The following ZNF670 variants were observed in gnomAD, a reference collection of about 807,000 sequenced individuals.
The protein encoded by ZNF670 is zinc finger protein 670.
Under a neutral mutation model 10.9 loss-of-function variants are expected in ZNF670, and 7 were observed. The ratio of observed to expected loss-of-function variants is 0.64; its 90% CI spans 0.36 to 1.20. The LOEUF (loss-of-function observed/expected upper bound fraction) is 1.20, where lower values mean the gene tolerates loss of function less well. Ranked by LOEUF, ZNF670 falls within the 50% of genes most tolerant of loss-of-function variation. ZNF670 has a pLI of 0.02. For missense variants in ZNF670, 446 were observed against 458.6 expected (o/e 0.97, Z 0.25); for synonymous variants, 136 against 152.7 (o/e 0.89, Z 0.81).
chr1:247,072,369 G>A (rs891567643), intron 1 of ZNF670, among the ~76,000 whole-genome samples: 1 of 138,612 alleles, frequency 7.2e-6, no homozygotes, highest in Non-Finnish European at 1.6e-5. Context: ...TGCCCAGGCT[G>A]GTCTCAAACT....
At chr1:247,076,350 A>C (rs1671252873) in intron 1 of ZNF670, among the ~76,000 whole-genome samples, 1 of 148,600 alleles carries the variant, frequency 6.7e-6, no homozygotes, top group South Asian at 2.1e-4. Context: ...TCTGCCTCCT[A>C]GGTTCACGCC....
rs1405164808 is a variant in ZNF670, at chr1:247,034,844, T to C, written c.*2605A>G. On this transcript the variant is annotated 3_prime_UTR_variant, in exon 4 of 4. Coordinates refer to ENST00000366503, the MANE Select transcript of ZNF670 (RefSeq NM_033213.5). ...TTACCACAGAGCAGTAGTCTGACTT[T>C]TGATAATCAGGAATAAAGAACCCAG... Among the ~76,000 whole-genome samples, 1 of 152,178 alleles carries C rather than the reference T, an allele frequency of 6.6e-6. No individual in the cohort carries two copies. The highest frequency in any genetic ancestry group is 1.5e-5 in the Non-Finnish European group (1 of 68,044).
chr1:247,076,785 T>C (rs1018623163), intron 1 of ZNF670, among the ~76,000 whole-genome samples: 21 of 152,232 alleles, frequency 1.4e-4, no homozygotes, highest in African/African-American at 4.6e-4. Context: ...CTCAGCCTCC[T>C]GAGTAGCTGG....
intron 1 of ZNF670, among the ~76,000 whole-genome samples, chr1:247,046,221 G>C (rs1670444170): frequency 1.3e-5 from 2 of 152,234 alleles, no homozygotes; most frequent in African/African-American, 4.8e-5. Flanking sequence ...TTGTAAGAGA[G>C]AGTTGCACAA....
chr1:247,050,817 G>A (rs1246633945), intron 1 of ZNF670, among the ~76,000 whole-genome samples: 2 of 151,952 alleles, frequency 1.3e-5, no homozygotes, highest in African/African-American at 4.8e-5. Context: ...TTTAAGTGGG[G>A]GCATTTAGAT....
At position 247,038,407 on chromosome 1, in the gene ZNF670, A is replaced by C; in HGVS notation, c.212T>G (p.Leu71Arg). Residue 71 changes from leucine to arginine, a missense_variant, in exon 4 of 4, where the codon CTG becomes CGG. Coordinates refer to ENST00000366503, the MANE Select transcript of ZNF670 (RefSeq NM_033213.5). The part of the protein sequence containing the change: ...RNLSSHVVER[L>R]FEIKEGSQYG... Reference sequence around the variant, plus strand: ...TTGACTGCCTTCTTTAATTTCAAACAGTCTCTCTACCACATGACTGCTGTA... The same window carrying C: ...TTGACTGCCTTCTTTAATTTCAAACCGTCTCTCTACCACATGACTGCTGTA... 1 of 1,611,314 alleles carries C rather than the reference A, an allele frequency of 6.2e-7. No homozygotes were observed. Among genetic ancestry groups the C allele is most frequent in the Non-Finnish European group, 8.5e-7 (1 of 1,179,202 alleles).
At chr1:247,044,961 A>T (rs1160067721) in intron 1 of ZNF670, among the ~76,000 whole-genome samples, 1 of 138,306 alleles carries the variant, frequency 7.2e-6, no homozygotes, top group Non-Finnish European at 1.6e-5. Context: ...ACAAAAGTTA[A>T]AAAAAAAAAG....
chr1:247,051,258 AAAAAAAAAAAC>A (rs1183919302), intron 1 of ZNF670, among the ~76,000 whole-genome samples: 1 of 111,724 alleles, frequency 9.0e-6, no homozygotes, highest in Non-Finnish European at 1.8e-5. Flanking sequence ...CGTCTCCAAG[AAAAAAAAAAAC>A]AAAAAAAAAA....
At chr1:247,044,252 A>G (rs1010479634) in intron 1 of ZNF670, among the ~76,000 whole-genome samples, 1 of 152,274 alleles carries the variant, frequency 6.6e-6, no homozygotes, top group South Asian at 2.1e-4. Context: ...ATAATTGGAA[A>G]AAAAAAACCC....
intron 1 of ZNF670, among the ~76,000 whole-genome samples, chr1:247,072,544 G>A (rs965248119): frequency 1.3e-5 from 2 of 151,484 alleles, no homozygotes; most frequent in Admixed American, 1.3e-4. Flanking sequence ...CAGCACTTTG[G>A]GAGGCCAAGG....
chr1:247,054,395 C>T (rs1045165728), intron 1 of ZNF670, among the ~76,000 whole-genome samples: 2 of 152,218 alleles, frequency 1.3e-5, no homozygotes, highest in African/African-American at 4.8e-5. Flanking sequence ...CAAAAGGGAA[C>T]CCCCTTCCAC....
intron 1 of ZNF670, among the ~76,000 whole-genome samples, chr1:247,046,984 A>T (rs1195071446): frequency 6.6e-6 from 1 of 152,234 alleles, no homozygotes; most frequent in African/African-American, 2.4e-5. Context: ...ATGCTCCAAA[A>T]TGATCGCCTT....
intron 1 of ZNF670, among the ~76,000 whole-genome samples, chr1:247,041,521 A>T (rs1043950469): frequency 3.9e-5 from 6 of 152,218 alleles, no homozygotes; most frequent in African/African-American, 1.4e-4. Context: ...AATCAACTCC[A>T]TGTGATGACG....
At position 247,038,187 on chromosome 1, in the gene ZNF670, T is replaced by A; in HGVS notation, c.432A>T (p.Lys144Asn). Residue 144 changes from lysine to asparagine, a missense_variant, in exon 4 of 4, where the codon AAA (lysine) becomes AAT (asparagine). Physicochemically the swap from Lys to Asn is moderately conservative, Grantham distance 94 (BLOSUM62 0). Coordinates refer to ENST00000366503, the MANE Select transcript of ZNF670 (RefSeq NM_033213.5). Reference sequence around the variant, plus strand: ...GAGAGATAAAGGCTTTCCCACATTGTTTGCAATGATATAACTTCTCTGGAC... The same window carrying A: ...GAGAGATAAAGGCTTTCCCACATTGATTGCAATGATATAACTTCTCTGGAC... ...EECPEKLYHC[K>N]QCGKAFISLT... 1.9e-6 allele frequency: 3 copies of A among 1,614,182 alleles called. No individual in the cohort carries two copies. Among genetic ancestry groups the A allele is most frequent in the Non-Finnish European group, 2.5e-6 (3 of 1,180,026 alleles).
In ZNF670 at chr1:247,038,005, G is replaced by C. The variant is rs141950685; in HGVS notation, c.614C>G (p.Ala205Gly). ...KTYKCKHCDKAFNYSSYLREH... is the reference protein window; with the variant it reads ...KTYKCKHCDKGFNYSSYLREH... ...ACGAAGATAACTTGAATAATTGAAG[G>C]CTTTATCACAATGTTTACATTTATA... The change falls in exon 4 of 4, where the codon GCC becomes GGC. Residue 205 changes from alanine to glycine, a missense_variant. Physicochemically the swap from Ala to Gly is moderately conservative, Grantham distance 60 (BLOSUM62 0). Transcript: ENST00000366503. 2 of 1,613,712 alleles carry C rather than the reference G, an allele frequency of 1.2e-6. No individual in the cohort carries two copies. Among genetic ancestry groups the C allele is most frequent in the South Asian group, 2.2e-5 (2 of 91,016 alleles).
chr1:247,072,843 T>TACACACACAC lies in ZNF670; in HGVS notation c.3+5750_3+5751insGTGTGTGTGT, dbSNP rs1553323588. 1.3e-4 allele frequency among the ~76,000 whole-genome samples: 11 copies of TACACACACAC among 85,802 alleles called. 1 individual carries two copies. The highest frequency in any genetic ancestry group is 4.9e-4 in the African/African-American group (10 of 20,292). The allele number at this position is 85,802 out of a possible 152,430, so 56.3% of individuals were successfully genotyped here. A position where few individuals can be genotyped will look rare whatever the true frequency, so the allele number is the denominator to read the frequency against. ...ATATATATATATATATATATATGCA[T>TACACACACAC]ACACACACATACACACACACACACA... On this transcript the variant is annotated intron_variant, in intron 1 of 3. Transcript: ENST00000366503.
chr1:247,051,245 C>T (rs915735875), intron 1 of ZNF670, among the ~76,000 whole-genome samples: 4 of 147,822 alleles, frequency 2.7e-5, no homozygotes, highest in African/African-American at 1.0e-4. Context: ...CAGAGCGAGA[C>T]TCCGTCTCCA....
At position 247,035,949 on chromosome 1, in the gene ZNF670, T is replaced by C. The variant is rs1353426601; in HGVS notation, c.*1500A>G. Among the ~76,000 whole-genome samples, 1 of 152,208 alleles carries C rather than the reference T, an allele frequency of 6.6e-6. No homozygotes were observed. Among genetic ancestry groups the C allele is most frequent in the Non-Finnish European group, 1.5e-5 (1 of 68,042 alleles). ...CTCTAATGAGCATTTCTGTTGAGCA[T>C]AAGACTGGTGCTCAAACAGTTTTTG... On this transcript the variant is annotated 3_prime_UTR_variant, in exon 4 of 4. Transcript: ENST00000366503.
intron 1 of ZNF670, among the ~76,000 whole-genome samples, chr1:247,060,821 T>C (rs1670840614): frequency 6.6e-6 from 1 of 152,126 alleles, no homozygotes; most frequent in East Asian, 1.9e-4. Context: ...AAATAAATTA[T>C]CTTATAATTC....
Sources: allele counts gnomAD v4.1 joint callset (sites outside exome capture counted in the v4.1 genomes callset), GRCh38; gene constraint gnomAD v4.1.1; transcripts MANE v1.5; gene names NCBI Gene and HGNC (gene_info 2026-07-23, HGNC 2026-07-21).